Variants in VAV3 observed in about 807,000 individuals in gnomAD.
The protein encoded by VAV3 is guanine nucleotide exchange factor VAV3.
In VAV3, 94 loss-of-function variants were observed where a neutral mutation model predicts 131.2. The ratio of observed to expected loss-of-function variants is 0.72; its 90% confidence interval spans 0.61 to 0.85. The LOEUF is 0.85. Among genes scored for constraint, VAV3 ranks in the 40% least tolerant of loss-of-function variants. VAV3 has a pLI of 0.00. For synonymous variants in VAV3, 349 were observed against 342.0 expected (o/e 1.02, Z -0.22); for missense variants, 939 against 1,002.7 (o/e 0.94, Z 0.86).
intron 20 of VAV3, among the ~76,000 whole-genome samples, chr1:107,627,468 C>T (rs1226167502): frequency 2.0e-5 from 3 of 152,140 alleles, no homozygotes; most frequent in Admixed American, 6.5e-5. Context: ...CCATATGTGC[C>T]AGTGGGACTC....
At chr1:107,690,414 G>A (rs1029041806) in intron 17 of VAV3, among the ~76,000 whole-genome samples, 2 of 152,058 alleles carry the variant, frequency 1.3e-5, no homozygotes, top group Non-Finnish European at 2.9e-5. Flanking sequence ...TGCATTTACA[G>A]GCTCTTCATA....
At chr1:107,851,120 C>T (rs769255811) in intron 2 of VAV3, among the ~76,000 whole-genome samples, 11 of 145,224 alleles carry the variant, frequency 7.6e-5, no homozygotes, top group East Asian at 6.3e-4. Flanking sequence ...TGCAGTGAGC[C>T]GGGATAGCGC....
At chr1:107,772,966 G>T in intron 4 of VAV3, 123 bp from the exon 5 acceptor site, 1 of 783,130 alleles carries the variant, frequency 1.3e-6, no homozygotes, top group Non-Finnish European at 2.0e-6. Context: ...AGTGGAAAGA[G>T]TTCAAAAGGT....
intron 1 of VAV3, among the ~76,000 whole-genome samples, chr1:107,906,436 G>A (rs1350530886): frequency 6.6e-6 from 1 of 152,110 alleles, no homozygotes; most frequent in Non-Finnish European, 1.5e-5. Flanking sequence ...AGGCCGAGGT[G>A]GGCGGATCAT....
At chr1:107,789,064 T>G (rs1366741936) in intron 2 of VAV3, among the ~76,000 whole-genome samples, 4 of 152,196 alleles carry the variant, frequency 2.6e-5, no homozygotes, top group Non-Finnish European at 5.9e-5. Context: ...GAACTCCCTT[T>G]GAATGGACAT....
At chr1:107,674,492 A>C (rs954738895) in intron 19 of VAV3, among the ~76,000 whole-genome samples, 1 of 152,208 alleles carries the variant, frequency 6.6e-6, no homozygotes, top group Non-Finnish European at 1.5e-5. Context: ...ATCAGACCAG[A>C]TCCCACTGCT....
intron 25 of VAV3, among the ~76,000 whole-genome samples, chr1:107,575,637 A>G (rs1195719578): frequency 2.0e-5 from 3 of 152,168 alleles, no homozygotes; most frequent in Admixed American, 6.5e-5. Flanking sequence ...AAACACCCCT[A>G]TGATGGAAAA....
intron 14 of VAV3, 132 bp from the exon 15 acceptor site, chr1:107,749,209 G>A (rs984089486): frequency 2.5e-5 from 21 of 832,874 alleles, no homozygotes; most frequent in South Asian, 8.5e-5. Flanking sequence ...CAAGCTTATT[G>A]TAGTCAACTT....
At chr1:107,937,779 A>G (rs192437355) in intron 1 of VAV3, among the ~76,000 whole-genome samples, 1 of 152,214 alleles carries the variant, frequency 6.6e-6, no homozygotes, top group Non-Finnish European at 1.5e-5. Flanking sequence ...TGTAGTCCCA[A>G]TTATTAACAC....
chr1:107,835,801 T>C (rs1465084330), intron 2 of VAV3, among the ~76,000 whole-genome samples: 3 of 152,098 alleles, frequency 2.0e-5, no homozygotes, highest in Admixed American at 6.5e-5. Flanking sequence ...CCTTGACCTC[T>C]TACATCAACA....
At position 107,659,271 on chromosome 1, in the gene VAV3, A is replaced by G. The variant is rs545870145; in HGVS notation, c.1778-16516T>C. Among the ~76,000 whole-genome samples the G allele has an allele frequency of 1.8e-3, 273 of 152,186 alleles. 2 individuals are homozygous for G. Among genetic ancestry groups the G allele is most frequent in the Non-Finnish European group, 3.2e-3 (217 of 67,994 alleles). On this transcript the variant is annotated intron_variant, in intron 19 of 26. Transcript: ENST00000370056. ...ATGTTAAGATATTTTTGAAAATACC[A>G]TCTTTCAGAAAAAAAAAAGTATAAA... is the stretch of plus-strand genomic sequence containing the variant.
At chr1:107,801,184 T>A (rs1666812667) in intron 2 of VAV3, among the ~76,000 whole-genome samples, 1 of 152,086 alleles carries the variant, frequency 6.6e-6, no homozygotes, top group Non-Finnish European at 1.5e-5. Context: ...ACATGTTTGT[T>A]TCCATGCCAT....
At position 107,768,622 on chromosome 1, in the gene VAV3, T is replaced by C. The variant is rs1443297990; in HGVS notation, c.649-113A>G. 7 of 735,108 alleles carry C rather than the reference T, an allele frequency of 9.5e-6. No homozygotes were observed. The Admixed American group carries it at 1.2e-4, about 13-fold the overall frequency. The allele number at this position is 735,108 out of a possible 1,614,324, so 45.5% of individuals were successfully genotyped here. ...TTTGAAAGTCAATTGTTGATCAGCA[T>C]TATAAACACCAAAATTGTAGAAACT... is the stretch of plus-strand genomic sequence containing the variant. On this transcript the variant is annotated intron_variant, in intron 6 of 26. Coordinates refer to ENST00000370056, the MANE Select transcript of VAV3 (RefSeq NM_006113.5).
At chr1:107,865,194 G>A (rs1557889512) in intron 2 of VAV3, among the ~76,000 whole-genome samples, 2 of 152,296 alleles carry the variant, frequency 1.3e-5, no homozygotes, top group Non-Finnish European at 2.9e-5. Flanking sequence ...GTCTCAGGAT[G>A]AGCTGAAGAA....
At chr1:107,690,063 C>T (rs1005424109) in intron 17 of VAV3, among the ~76,000 whole-genome samples, 1 of 152,154 alleles carries the variant, frequency 6.6e-6, no homozygotes, top group Non-Finnish European at 1.5e-5. Flanking sequence ...GCTTTCTACA[C>T]GAGCTCCAAA....
At chr1:107,607,742 T>C (rs1436915425) in intron 22 of VAV3, among the ~76,000 whole-genome samples, 1 of 152,224 alleles carries the variant, frequency 6.6e-6, no homozygotes, top group African/African-American at 2.4e-5. Context: ...AAACATAGAT[T>C]ATTGAAGACA....
intron 25 of VAV3, among the ~76,000 whole-genome samples, chr1:107,579,371 A>AT (rs1649872981): frequency 6.6e-6 from 1 of 152,170 alleles, no homozygotes; most frequent in African/African-American, 2.4e-5. Context: ...GTCTGATTTA[A>AT]TGTGTCTGAA....
In VAV3 at chr1:107,782,486, A is replaced by G. The variant is rs72981405; in HGVS notation, c.322-2994T>C. 4.7e-3 allele frequency among the ~76,000 whole-genome samples: 717 copies of G among 152,254 alleles called. 4 individuals carry two copies. Among genetic ancestry groups the G allele is most frequent in the African/African-American group, 0.017 (688 of 41,542 alleles). On this transcript the variant is annotated intron_variant, in intron 2 of 26. Coordinates refer to ENST00000370056, the MANE Select transcript of VAV3 (RefSeq NM_006113.5). The stretch of plus-strand genomic sequence containing the variant: ...TCTGAAAATCAACAAGCTGAGACCA[A>G]CTCCTATTTTCTGCTTAACAGGAGT...
At chr1:107,704,752 AG>A in intron 16 of VAV3, 102 bp from the exon 17 acceptor site, 1 of 1,062,576 alleles carries the variant, frequency 9.4e-7, no homozygotes, top group South Asian at 1.4e-5. Flanking sequence ...GTGCTCTTCA[AG>A]GTACCCCCTT....
Sources: allele counts gnomAD v4.1 joint callset (sites outside exome capture counted in the v4.1 genomes callset), GRCh38; gene constraint gnomAD v4.1.1; transcripts MANE v1.5; gene names NCBI Gene and HGNC (gene_info 2026-07-23, HGNC 2026-07-21).